The following ARHGEF4 variants were observed in gnomAD, a reference collection of about 807,000 sequenced individuals.
ARHGEF4 encodes APC-stimulated guanine nucleotide exchange factor 1.
Under a neutral mutation model 162.0 loss-of-function variants are expected in ARHGEF4, and 119 were observed. The observed-to-expected ratio is 0.73, with a 90% CI of 0.63 to 0.86. ARHGEF4 has a LOEUF of 0.86. Among genes scored for constraint, ARHGEF4 ranks in the 40% least tolerant of loss-of-function variants. The pLI is 0.00. For synonymous variants in ARHGEF4, 1,014 were observed against 979.9 expected (o/e 1.03, Z -0.65); for missense variants, 2,488 against 2,456.0 (o/e 1.01, Z -0.28).
intron 2 of ARHGEF4, among the ~76,000 whole-genome samples, chr2:130,930,081 G>A: frequency 6.6e-6 from 1 of 152,084 alleles, no homozygotes; most frequent in East Asian, 1.9e-4. Context: ...TTTTAGTAGA[G>A]ACGAGGTTTC....
chr2:130,993,395 T>G (rs2105290124), intron 4 of ARHGEF4, among the ~76,000 whole-genome samples: 1 of 152,124 alleles, frequency 6.6e-6, no homozygotes, highest in East Asian at 1.9e-4. Context: ...TGAAACTGCA[T>G]TGACTTTCAC....
At chr2:130,925,035 AGTGTGTGTGTGTGTGTGT>A (rs55986926) in intron 2 of ARHGEF4, among the ~76,000 whole-genome samples, 77 of 137,968 alleles carry the variant, frequency 5.6e-4, no homozygotes, top group African/African-American at 1.8e-3. Context: ...AGGAGTTCTA[AGTGTGTGTGTGTGTGTGT>A]GTGTGTGTGT....
chr2:131,045,862 G>T, intron 13 of ARHGEF4, 176 bp from the exon 14 acceptor site: 1 of 1,477,824 alleles, frequency 6.8e-7, no homozygotes, highest in Non-Finnish European at 8.9e-7. Flanking sequence ...AGAGACCCCA[G>T]GCAGCCTGAG....
chr2:130,933,535 A>G (rs1198006625), intron 3 of ARHGEF4, among the ~76,000 whole-genome samples: 3 of 152,164 alleles, frequency 2.0e-5, no homozygotes, highest in Non-Finnish European at 4.4e-5. Flanking sequence ...TATTAATAAT[A>G]TTAAGTCTTC....
Position 130,997,584 on chromosome 2 carries a change from C to T in ARHGEF4, c.3986-30361C>T, listed in dbSNP as rs530866095. ...TTTCTCCATTACATAGAGTGTGCGC[C>T]GCGGATTTTGGCAATAACCTTTGTG... is the stretch of plus-strand genomic sequence containing the variant. On this transcript the variant is annotated intron_variant, in intron 4 of 13. Transcript: ENST00000409359. Among the ~76,000 whole-genome samples the T allele has an allele frequency of 9.2e-5, 14 of 152,168 alleles. No individual in the cohort carries two copies. The South Asian group carries it at 2.9e-3, about 32-fold the overall frequency.
chr2:131,005,710 C>A (rs368063781), intron 4 of ARHGEF4, among the ~76,000 whole-genome samples: 1 of 152,104 alleles, frequency 6.6e-6, no homozygotes, highest in Non-Finnish European at 1.5e-5. Flanking sequence ...GAGTGCCCAG[C>A]GCCCCAGGGG....
chr2:130,986,912 G>T (rs939356998), intron 4 of ARHGEF4, among the ~76,000 whole-genome samples: 1 of 152,198 alleles, frequency 6.6e-6, no homozygotes, highest in African/African-American at 2.4e-5. Context: ...AATCCTAGGT[G>T]GTTTGCACCA....
chr2:130,840,523 A>G (rs978285305), intron 1 of ARHGEF4, among the ~76,000 whole-genome samples: 2 of 152,144 alleles, frequency 1.3e-5, no homozygotes, highest in African/African-American at 4.8e-5. Context: ...GGAGTTGTAG[A>G]TCCATCCAGG....
intron 1 of ARHGEF4, among the ~76,000 whole-genome samples, chr2:130,879,359 G>A (rs1160964684): frequency 6.6e-6 from 1 of 152,074 alleles, no homozygotes; most frequent in Non-Finnish European, 1.5e-5. Context: ...TGTACAACAT[G>A]ATGTTTTGAT....
intron 1 of ARHGEF4, among the ~76,000 whole-genome samples, chr2:130,853,426 C>T (rs774772131): frequency 2.6e-5 from 4 of 152,192 alleles, no homozygotes; most frequent in African/African-American, 9.7e-5. Flanking sequence ...CAAGGCATCT[C>T]GTGCAGCCAC....
intron 5 of ARHGEF4, among the ~76,000 whole-genome samples, chr2:131,033,684 A>G (rs1558879171): frequency 6.6e-6 from 1 of 152,158 alleles, no homozygotes. Flanking sequence ...TGATCCCCCC[A>G]ATTCTCCTGA....
At chr2:130,926,810 A>ATTTTTTTTTT (rs55904944) in intron 2 of ARHGEF4, among the ~76,000 whole-genome samples, 1,736 of 48,936 alleles carry the variant, frequency 0.035, 680 homozygotes, top group Middle Eastern at 0.067. Flanking sequence ...CTTCTGGCTG[A>ATTTTTTTTTT]TTTTTTTTTT....
chr2:130,911,600 C>T (rs1681191237), intron 1 of ARHGEF4, among the ~76,000 whole-genome samples: 1 of 152,220 alleles, frequency 6.6e-6, no homozygotes, highest in Admixed American at 6.5e-5. Context: ...AGTATCTGTA[C>T]ACTGCAATCA....
intron 2 of ARHGEF4, among the ~76,000 whole-genome samples, chr2:130,921,234 G>A (rs924679984): frequency 6.6e-6 from 1 of 152,184 alleles, no homozygotes; most frequent in Non-Finnish European, 1.5e-5. Flanking sequence ...GGGTGCGGTG[G>A]CTCACGCCTG....
At chr2:130,937,489 A>G (rs1450341825) in intron 3 of ARHGEF4, among the ~76,000 whole-genome samples, 1 of 151,938 alleles carries the variant, frequency 6.6e-6, no homozygotes, top group Non-Finnish European at 1.5e-5. Flanking sequence ...CCATTTGATG[A>G]GACATCATTC....
intron 2 of ARHGEF4, among the ~76,000 whole-genome samples, chr2:130,925,779 T>C (rs1202611735): frequency 1.3e-5 from 2 of 152,200 alleles, no homozygotes; most frequent in Non-Finnish European, 2.9e-5. Flanking sequence ...GAAGTTTGCT[T>C]ATGTTTCTTC....
intron 1 of ARHGEF4, among the ~76,000 whole-genome samples, chr2:130,907,051 G>A (rs1311608628): frequency 1.3e-5 from 2 of 152,022 alleles, no homozygotes; most frequent in Non-Finnish European, 2.9e-5. Context: ...CCAGCCCTTG[G>A]AAACCCTTGA....
intron 1 of ARHGEF4, among the ~76,000 whole-genome samples, chr2:130,881,145 G>A (rs1679163240): frequency 6.6e-6 from 1 of 152,008 alleles, no homozygotes; most frequent in South Asian, 2.1e-4. Flanking sequence ...TGATTCTCCT[G>A]TCTCTGCCGC....
intron 8 of ARHGEF4, 38 bp downstream of exon 8, chr2:131,040,478 G>A: frequency 6.7e-7 from 1 of 1,498,288 alleles, no homozygotes; most frequent in Non-Finnish European, 8.9e-7. Context: ...TGGGCGCTGC[G>A]TTCACAGAGG....
Sources: gnomAD v4.1 joint callset for allele counts (sites outside exome capture counted in the v4.1 genomes callset) on GRCh38, gnomAD v4.1.1 for gene constraint, MANE v1.5 for transcripts, NCBI Gene and HGNC (gene_info 2026-07-23, HGNC 2026-07-21) for gene names.